The following GSG1L variants were observed in gnomAD, a reference collection of about 807,000 sequenced individuals.
The protein encoded by GSG1L is germ cell-specific gene 1-like protein.
Under a neutral mutation model 42.1 loss-of-function variants are expected in GSG1L, and 24 were observed. That is an observed-to-expected ratio of 0.57 (90% CI 0.41 to 0.80). The LOEUF (loss-of-function observed/expected upper bound fraction) is 0.80, where lower values mean the gene tolerates loss of function less well. GSG1L is among the 30% of genes least tolerant of loss of function. The probability of loss-of-function intolerance (pLI) is 0.00; values close to 1 mark genes in which losing one functional copy is unlikely to be tolerated. For missense variants in GSG1L, 445 were observed against 472.2 expected, an observed-to-expected ratio of 0.94 and a Z score of 0.53; for synonymous variants, 215 against 203.5, an observed-to-expected ratio of 1.06 and a Z score of -0.48.
chr16:28,048,515 G>C (rs960449859), intron 1 of GSG1L, among the ~76,000 whole-genome samples: 44 of 152,140 alleles, frequency 2.9e-4, no homozygotes, highest in South Asian at 2.1e-4. Flanking sequence ...TCCCACCTCA[G>C]CCTCCCAAAG....
intron 3 of GSG1L, among the ~76,000 whole-genome samples, chr16:27,853,552 C>A (rs187399184): frequency 9.9e-4 from 151 of 152,268 alleles, no homozygotes; most frequent in African/African-American, 3.5e-3. Context: ...TACTGAGGTG[C>A]CCCCCAACCT....
chr16:27,803,691 T>G (rs543565851), intron 6 of GSG1L, among the ~76,000 whole-genome samples: 3 of 151,622 alleles, frequency 2.0e-5, no homozygotes, highest in Admixed American at 1.3e-4. Flanking sequence ...AAACATTTTG[T>G]GCATATTGTA....
chr16:27,980,171 G>T (rs911114310), intron 1 of GSG1L, among the ~76,000 whole-genome samples: 2 of 152,194 alleles, frequency 1.3e-5, no homozygotes, highest in Non-Finnish European at 2.9e-5. Flanking sequence ...GCTGGCAGAA[G>T]GTGTGCAGAG....
At chr16:28,017,535 G>A (rs538556375) in intron 1 of GSG1L, among the ~76,000 whole-genome samples, 7 of 152,176 alleles carry the variant, frequency 4.6e-5, no homozygotes, top group Non-Finnish European at 1.0e-4. Flanking sequence ...TAGAGCAGAC[G>A]GGTTGGTGAT....
At chr16:28,009,188 C>G (rs117722209) in intron 1 of GSG1L, among the ~76,000 whole-genome samples, 2 of 152,274 alleles carry the variant, frequency 1.3e-5, no homozygotes, top group East Asian at 3.9e-4. Flanking sequence ...TGCTCTTTCC[C>G]CGACCTTCTC....
At chr16:27,859,212 T>A (rs2083614013) in intron 3 of GSG1L, among the ~76,000 whole-genome samples, 1 of 152,144 alleles carries the variant, frequency 6.6e-6, no homozygotes, top group Non-Finnish European at 1.5e-5. Context: ...TCTCCTGACT[T>A]CTGGCTCTAG....
intron 2 of GSG1L, among the ~76,000 whole-genome samples, chr16:27,923,548 C>T (rs1230406660): frequency 6.6e-6 from 1 of 152,052 alleles, no homozygotes; most frequent in Non-Finnish European, 1.5e-5. Context: ...AGTTTGAGAC[C>T]AGCCTGGCCA....
intron 2 of GSG1L, among the ~76,000 whole-genome samples, chr16:27,919,253 G>A (rs760629896): frequency 3.3e-5 from 5 of 152,182 alleles, no homozygotes; most frequent in Non-Finnish European, 7.3e-5. Flanking sequence ...TCCAGGGCAT[G>A]GGGATGCCCA....
intron 4 of GSG1L, 83 bp from the exon 5 acceptor site, chr16:27,829,039 A>T: frequency 7.5e-7 from 1 of 1,335,050 alleles, no homozygotes; most frequent in Non-Finnish European, 1.0e-6. Context: ...ACATTCATTC[A>T]TCCCTGCATG....
intron 2 of GSG1L, among the ~76,000 whole-genome samples, chr16:27,897,288 T>C (rs1456451163): frequency 1.3e-5 from 2 of 152,096 alleles, no homozygotes; most frequent in African/African-American, 4.8e-5. Context: ...AGGAAACTAA[T>C]ACACCTCCTT....
intron 2 of GSG1L, among the ~76,000 whole-genome samples, chr16:27,890,796 C>T (rs2141032233): frequency 6.6e-6 from 1 of 152,322 alleles, no homozygotes; most frequent in South Asian, 2.1e-4. Context: ...CTCAGCACTC[C>T]CTGTGTATCT....
intron 3 of GSG1L, among the ~76,000 whole-genome samples, chr16:27,870,375 C>G (rs1248303591): frequency 1.3e-5 from 2 of 150,570 alleles, no homozygotes; most frequent in African/African-American, 5.0e-5. Flanking sequence ...GTCCATCACT[C>G]TCTCTTTCTC....
chr16:27,993,833 C>T (rs768834626), intron 1 of GSG1L, among the ~76,000 whole-genome samples: 8 of 152,172 alleles, frequency 5.3e-5, no homozygotes, highest in Non-Finnish European at 7.3e-5. Flanking sequence ...AAAATTCTGT[C>T]CCCTGACACA....
chr16:27,908,683 T>C (rs1016515125), intron 2 of GSG1L, among the ~76,000 whole-genome samples: 1 of 152,212 alleles, frequency 6.6e-6, no homozygotes, highest in Non-Finnish European at 1.5e-5. Flanking sequence ...AAGCCCTTTT[T>C]ATAGCAGCAT....
chr16:27,982,052 TAGTATGGAGTTATTGCTAAGA>T (rs2085332061), intron 1 of GSG1L, among the ~76,000 whole-genome samples: 1 of 152,114 alleles, frequency 6.6e-6, no homozygotes, highest in Non-Finnish European at 1.5e-5. Context: ...TGATCTTCTG[TAGTATGGAGTTATTGCTAAGA>T]AGTAGCTGCC....
intron 2 of GSG1L, among the ~76,000 whole-genome samples, chr16:27,925,974 T>A (rs763314527): frequency 1.3e-5 from 2 of 151,928 alleles, no homozygotes; most frequent in Non-Finnish European, 2.9e-5. Context: ...GGGGAAAAAA[T>A]TAGCTGAATG....
chr16:27,902,287 A>C (rs983837898), intron 2 of GSG1L, among the ~76,000 whole-genome samples: 7 of 152,104 alleles, frequency 4.6e-5, no homozygotes, highest in African/African-American at 1.4e-4. Flanking sequence ...GAGGGAAAAA[A>C]CTGCTTCCAG....
At chr16:27,991,639 AGGT>A (rs2085457949) in intron 1 of GSG1L, among the ~76,000 whole-genome samples, 1 of 152,114 alleles carries the variant, frequency 6.6e-6, no homozygotes, top group Non-Finnish European at 1.5e-5. Flanking sequence ...TCCTGACCTC[AGGT>A]GATCCACCCG....
intron 5 of GSG1L, among the ~76,000 whole-genome samples, chr16:27,827,115 C>T (rs2083218694): frequency 6.6e-6 from 1 of 152,202 alleles, no homozygotes; most frequent in South Asian, 2.1e-4. Context: ...GCTAACAGTC[C>T]TAACTGCATA....
Sources: gnomAD v4.1 joint callset for allele counts (sites outside exome capture counted in the v4.1 genomes callset) on GRCh38, gnomAD v4.1.1 for gene constraint, MANE v1.5 for transcripts, NCBI Gene and HGNC (gene_info 2026-07-23, HGNC 2026-07-21) for gene names.